FARS2: variants seen among roughly 807,000 people sequenced by gnomAD.
The protein encoded by FARS2 is phenylalanine--tRNA ligase, mitochondrial.
In FARS2, 40 loss-of-function variants were observed where a neutral mutation model predicts 46.4. The ratio of observed to expected loss-of-function variants is 0.86; its 90% CI spans 0.67 to 1.12. The LOEUF is 1.12. Among genes scored for constraint, FARS2 ranks in the 50% most tolerant of loss-of-function variants. FARS2 has a pLI of 0.00. For missense variants in FARS2, 513 were observed against 567.9 expected (o/e 0.90, Z 0.98); for synonymous variants, 234 against 214.9 (o/e 1.09, Z -0.78).
intron 6 of FARS2, among the ~76,000 whole-genome samples, chr6:5,650,521 CTT>C (rs1161139183): frequency 6.6e-6 from 1 of 152,054 alleles, no homozygotes; most frequent in Non-Finnish European, 1.5e-5. Context: ...TTTGTAGTAA[CTT>C]TGTCTGGAGT....
chr6:5,726,135 A>G (rs1378966495), intron 6 of FARS2, among the ~76,000 whole-genome samples: 1 of 152,114 alleles, frequency 6.6e-6, no homozygotes, highest in African/African-American at 2.4e-5. Context: ...TCACTCACAT[A>G]AGTAGAAACC....
intron 1 of FARS2, among the ~76,000 whole-genome samples, chr6:5,345,107 T>C (rs1406951692): frequency 6.6e-6 from 1 of 152,048 alleles, no homozygotes; most frequent in Non-Finnish European, 1.5e-5. Flanking sequence ...GTTGCCTTTC[T>C]ATAATGTAAT....
intron 2 of FARS2, among the ~76,000 whole-genome samples, chr6:5,391,505 G>A (rs1032333652): frequency 1.1e-4 from 17 of 152,174 alleles, no homozygotes; most frequent in African/African-American, 4.1e-4. Context: ...TCAGAGTCAG[G>A]ATAGATAAGT....
Position 5,404,604 on chromosome 6 carries a change from G to T in FARS2, c.675G>T (p.Ala225=). Residue 225 remains alanine (A), a synonymous_variant, in exon 3 of 7, where the codon GCG becomes GCT. Coordinates refer to ENST00000274680, the MANE Select transcript of FARS2 (RefSeq NM_006567.5). ...LQLFEQSSRS[A]HKQETHTMEA... ...TCTTTGAACAAAGTTCTCGCTCTGC[G>T]CATAAACAAGAGACACACACCATGG... The T allele has an allele frequency of 6.2e-7, 1 of 1,612,262 alleles. No individual in the cohort carries two copies. The highest frequency in any genetic ancestry group is 1.1e-5 in the South Asian group (1 of 90,686).
chr6:5,381,430 A>T (rs1007962146), intron 2 of FARS2, among the ~76,000 whole-genome samples: 23 of 145,230 alleles, frequency 1.6e-4, no homozygotes, highest in Non-Finnish European at 3.1e-4. Flanking sequence ...CAGATGCAGA[A>T]TTTTTTATAT....
rs368374697 is a variant in FARS2, at chr6:5,343,286, A to G, written c.-21-25264A>G. On this transcript the variant is annotated intron_variant, in intron 1 of 6. Transcript: ENST00000274680. This position sits in a 1 kb window ranked among gnomAD's most constrained non-coding sequence, Gnocchi z 4.5. ...GAGTGCAGTGGCGCGATCTTGGCTC[A>G]CTGCAACCTTCACCGCCCTGGTTCC... Among the ~76,000 whole-genome samples the G allele has an allele frequency of 6.9e-4, 105 of 152,270 alleles. No individual in the cohort carries two copies. Among genetic ancestry groups the G allele is most frequent in the African/African-American group, 2.4e-3 (99 of 41,542 alleles).
chr6:5,646,360 C>T (rs565723696), intron 6 of FARS2, among the ~76,000 whole-genome samples: 2 of 152,218 alleles, frequency 1.3e-5, no homozygotes, highest in South Asian at 4.1e-4. Context: ...TGTGGTGTGA[C>T]CTTCGACAGG....
chr6:5,321,199 G>C (rs1319665320), intron 1 of FARS2, among the ~76,000 whole-genome samples: 6 of 152,182 alleles, frequency 3.9e-5, no homozygotes, highest in Non-Finnish European at 7.3e-5. Flanking sequence ...TTACTCTCCT[G>C]ATGTCACTAT....
At chr6:5,650,911 C>T (rs1049383049) in intron 6 of FARS2, among the ~76,000 whole-genome samples, 1 of 152,218 alleles carries the variant, frequency 6.6e-6, no homozygotes. Context: ...CTTTCTGATT[C>T]TTACTGGTTT....
chr6:5,586,696 A>G (rs1773630410), intron 5 of FARS2, among the ~76,000 whole-genome samples: 1 of 152,082 alleles, frequency 6.6e-6, no homozygotes, highest in Non-Finnish European at 1.5e-5. Flanking sequence ...TAATTTAGGA[A>G]TGAGATAATG....
At position 5,347,580 on chromosome 6, in the gene FARS2, A is replaced by T. The variant is rs142467007; in HGVS notation, c.-21-20970A>T. 1.3e-3 allele frequency among the ~76,000 whole-genome samples: 196 copies of T among 152,242 alleles called. 1 individual carries two copies. Among genetic ancestry groups the T allele is most frequent in the African/African-American group, 4.4e-3 (184 of 41,538 alleles). On this transcript the variant is annotated intron_variant, in intron 1 of 6. Transcript: ENST00000274680. ...TACCCTTCTGTTGATGGATATCTGG[A>T]CTGCATCCATTTTGGGGCTGCTATG...
chr6:5,453,599 A>C (rs1375520517), intron 4 of FARS2, among the ~76,000 whole-genome samples: 1 of 152,212 alleles, frequency 6.6e-6, no homozygotes, highest in Non-Finnish European at 1.5e-5. Flanking sequence ...TCTGTTTAAC[A>C]TATGATGAAG....
intron 6 of FARS2, among the ~76,000 whole-genome samples, chr6:5,762,967 AC>A (rs1393255073): frequency 6.6e-6 from 1 of 152,034 alleles, no homozygotes; most frequent in African/African-American, 2.4e-5. Flanking sequence ...GAGGAGGAGA[AC>A]CTCCTCTCCT....
At chr6:5,703,107 A>T (rs530270681) in intron 6 of FARS2, among the ~76,000 whole-genome samples, 1 of 152,244 alleles carries the variant, frequency 6.6e-6, no homozygotes, top group African/African-American at 2.4e-5. Flanking sequence ...TACTTTTTTT[A>T]AAATTGAAAC....
chr6:5,365,016 TC>T lies in FARS2; in HGVS notation c.-21-3532del, dbSNP rs745845100. Among the ~76,000 whole-genome samples the T allele has an allele frequency of 4.0e-5, 6 of 150,570 alleles. No homozygotes were observed. In the East Asian group the frequency reaches 5.9e-4, roughly 15 times the overall value. ...GTAAGCCATGATCATCCCACTGCAC[TC>T]CAGCCTGGGTGACAGAGTAAGACCC... On this transcript the variant is annotated intron_variant, in intron 1 of 6. Coordinates refer to ENST00000274680, the MANE Select transcript of FARS2 (RefSeq NM_006567.5).
intron 6 of FARS2, among the ~76,000 whole-genome samples, chr6:5,729,720 G>T (rs1181146890): frequency 6.6e-6 from 1 of 152,112 alleles, no homozygotes; most frequent in Non-Finnish European, 1.5e-5. Flanking sequence ...TTAGGCACAG[G>T]CTTCTTTCTC....
chr6:5,732,663 C>T (rs1760709793), intron 6 of FARS2, among the ~76,000 whole-genome samples: 1 of 152,220 alleles, frequency 6.6e-6, no homozygotes, highest in Non-Finnish European at 1.5e-5. Flanking sequence ...AGCAAGAGCC[C>T]TGATCCCCGG....
intron 1 of FARS2, among the ~76,000 whole-genome samples, chr6:5,367,179 C>G (rs1285971916): frequency 1.3e-5 from 2 of 152,222 alleles, no homozygotes; most frequent in Non-Finnish European, 2.9e-5. Context: ...TGTCCAGGGA[C>G]AGACTGTGCT....
At chr6:5,704,232 T>A (rs534565377) in intron 6 of FARS2, among the ~76,000 whole-genome samples, 1 of 152,336 alleles carries the variant, frequency 6.6e-6, no homozygotes, top group South Asian at 2.1e-4. Context: ...GGCCCACCTC[T>A]TGGCTCATAG....
Sources: gnomAD v4.1 joint callset for allele counts (sites outside exome capture counted in the v4.1 genomes callset) on GRCh38, gnomAD v4.1.1 for gene constraint, Gnocchi (gnomAD v3.1) non-coding constraint, MANE v1.5 for transcripts, NCBI Gene and HGNC (gene_info 2026-07-23, HGNC 2026-07-21) for gene names.